DNAJC15: variants seen among roughly 807,000 people sequenced by gnomAD.
DNAJC15 encodes the protein dnaJ homolog subfamily C member 15.
A neutral mutation model predicts 22.4 loss-of-function variants in DNAJC15; 27 were observed. The observed-to-expected ratio is 1.20, with a 90% confidence interval of 0.89 to 1.66. The LOEUF (loss-of-function observed/expected upper bound fraction) is 1.66. Ranked by LOEUF, DNAJC15 falls within the 40% of genes most tolerant of loss-of-function variation. The pLI, the probability that DNAJC15 is intolerant of heterozygous loss-of-function variation, is 0.00. For synonymous variants in DNAJC15, 79 were observed against 63.2 expected, an observed-to-expected ratio of 1.25 and a Z score of -1.19; for missense variants, 208 against 187.1, an observed-to-expected ratio of 1.11 and a Z score of -0.65.
At chr13:43,033,915 C>T (rs1414229337) in intron 1 of DNAJC15, among the ~76,000 whole-genome samples, 3 of 151,598 alleles carry the variant, frequency 2.0e-5, no homozygotes, top group Non-Finnish European at 4.4e-5. Flanking sequence ...ATAATCCCAG[C>T]TACTTGGGAG....
chr13:43,029,543 T>C (rs1004532322), intron 1 of DNAJC15, among the ~76,000 whole-genome samples: 5 of 152,100 alleles, frequency 3.3e-5, no homozygotes, highest in Admixed American at 6.5e-5. Flanking sequence ...CTTTTTTTTT[T>C]TCCCCAGCTG....
At chr13:43,036,516 T>A (rs961048316) in intron 1 of DNAJC15, among the ~76,000 whole-genome samples, 1 of 152,132 alleles carries the variant, frequency 6.6e-6, no homozygotes, top group African/African-American at 2.4e-5. Flanking sequence ...GGCCGATTGG[T>A]CATCAATGAA....
chr13:43,072,564 G>A (rs964831862), intron 3 of DNAJC15, among the ~76,000 whole-genome samples: 5 of 150,112 alleles, frequency 3.3e-5, no homozygotes, highest in African/African-American at 1.2e-4. Context: ...TCTATCCACC[G>A]AATTCTTCAC....
intron 1 of DNAJC15, among the ~76,000 whole-genome samples, chr13:43,049,920 T>A (rs1350928657): frequency 1.3e-5 from 2 of 152,166 alleles, no homozygotes; most frequent in African/African-American, 4.8e-5. Context: ...GTTTGTTTGT[T>A]TTATTTTATT....
chr13:43,087,555 TTTC>T (rs778383846), intron 5 of DNAJC15, among the ~76,000 whole-genome samples: 17 of 152,216 alleles, frequency 1.1e-4, no homozygotes, highest in Non-Finnish European at 2.4e-4. Context: ...TTTAATTTTG[TTTC>T]TTCTTCTTGG....
intron 5 of DNAJC15, among the ~76,000 whole-genome samples, chr13:43,091,211 A>C (rs978384096): frequency 6.6e-6 from 1 of 152,006 alleles, no homozygotes; most frequent in African/African-American, 2.4e-5. Flanking sequence ...CAGCCTCCCG[A>C]GTAGCTGGGA....
chr13:43,085,310 G>A (rs545175432), intron 4 of DNAJC15, among the ~76,000 whole-genome samples: 1 of 137,798 alleles, frequency 7.3e-6, no homozygotes, highest in African/African-American at 2.7e-5. Context: ...GCAGTGAGCT[G>A]AGATCATGCC....
chr13:43,077,931 T>A lies in DNAJC15; in HGVS notation c.235-681T>A, dbSNP rs530699260. Among the ~76,000 whole-genome samples, 3 of 152,350 alleles carry A rather than the reference T, an allele frequency of 2.0e-5. No homozygotes were observed. In the South Asian group the frequency reaches 6.2e-4, roughly 32 times the overall value. On this transcript the variant is annotated intron_variant, in intron 3 of 5. Coordinates refer to ENST00000379221, the MANE Select transcript of DNAJC15 (RefSeq NM_013238.3). Reference sequence around the variant, plus strand: ...TGGATTATTGTTATGTTTTCTGAACTGGTCTGCTACTTCTACTCTTGCACC... The same window carrying A: ...TGGATTATTGTTATGTTTTCTGAACAGGTCTGCTACTTCTACTCTTGCACC...
rs1381195562 is a variant in DNAJC15, at chr13:43,111,511, G to C, written c.*4263G>C. 1.3e-5 allele frequency: 2 copies of C among 152,150 alleles called. No individual in the cohort carries two copies. Among genetic ancestry groups the C allele is most frequent in the African/African-American group, 4.8e-5 (2 of 41,438 alleles). The allele number at this position is 152,150 out of a possible 1,614,324, so 9.4% of individuals were successfully genotyped here. ...CACAGAAAAGAGCTTTTATTGATAA[G>C]GTAATTGAACACACTTGACAATTAG... On this transcript the variant is annotated 3_prime_UTR_variant, in exon 6 of 6. Transcript: ENST00000379221.
Position 43,107,335 on chromosome 13 carries a change from T to C in DNAJC15, c.*87T>C. The C allele has an allele frequency of 8.6e-7, 1 of 1,157,032 alleles. No homozygotes were observed. Among genetic ancestry groups the C allele is most frequent in the Non-Finnish European group, 1.2e-6 (1 of 856,908 alleles). 71.7% of individuals were successfully genotyped at this position (1,157,032 alleles called of 1,614,324 possible). On this transcript the variant is annotated 3_prime_UTR_variant, in exon 6 of 6. Transcript: ENST00000379221. ...CAAAATATTCTAAAACATGGTCTTC[T>C]TAATTTTCTATATGGATTGACCACA...
At chr13:43,075,235 A>T (rs2040628048) in intron 3 of DNAJC15, among the ~76,000 whole-genome samples, 2 of 152,210 alleles carry the variant, frequency 1.3e-5, no homozygotes, top group South Asian at 4.1e-4. Flanking sequence ...CAGTGTTCAT[A>T]TGAACTTCTT....
chr13:43,025,883 G>A (rs1408690765), intron 1 of DNAJC15, among the ~76,000 whole-genome samples: 2 of 152,150 alleles, frequency 1.3e-5, no homozygotes, highest in Admixed American at 6.5e-5. Flanking sequence ...CAGCCTGGGC[G>A]ACAGAGCGAG....
chr13:43,068,788 G>C, intron 2 of DNAJC15, 142 bp from the exon 3 acceptor site: 1 of 628,796 alleles, frequency 1.6e-6, no homozygotes, highest in Non-Finnish European at 2.4e-6. Flanking sequence ...TGAAAAAATT[G>C]ACCATCTTTC....
At chr13:43,097,727 C>A (rs1042098823) in intron 5 of DNAJC15, among the ~76,000 whole-genome samples, 1 of 152,056 alleles carries the variant, frequency 6.6e-6, no homozygotes, top group Non-Finnish European at 1.5e-5. Flanking sequence ...CACCTGAGGT[C>A]GGGAGTTCGA....
intron 5 of DNAJC15, among the ~76,000 whole-genome samples, chr13:43,098,652 G>A (rs751481601): frequency 1.2e-4 from 19 of 152,034 alleles, no homozygotes; most frequent in Non-Finnish European, 2.2e-4. Context: ...TGCAAACATC[G>A]CACTCAATTT....
chr13:43,091,943 T>A (rs2040717309), intron 5 of DNAJC15, among the ~76,000 whole-genome samples: 1 of 152,216 alleles, frequency 6.6e-6, no homozygotes, highest in African/African-American at 2.4e-5. Flanking sequence ...GGGAAAAATT[T>A]GTGATCACTT....
At chr13:43,059,509 C>T (rs547952420) in intron 1 of DNAJC15, among the ~76,000 whole-genome samples, 2 of 152,162 alleles carry the variant, frequency 1.3e-5, no homozygotes, top group Admixed American at 6.5e-5. Context: ...GGATTACGGG[C>T]GTGCGCCACC....
intron 3 of DNAJC15, among the ~76,000 whole-genome samples, chr13:43,071,632 C>T (rs1299772945): frequency 6.6e-6 from 1 of 152,066 alleles, no homozygotes; most frequent in Non-Finnish European, 1.5e-5. Context: ...ACAGTATACA[C>T]AGTGTTTTGA....
chr13:43,063,605 G>A (rs1028186463), intron 1 of DNAJC15, among the ~76,000 whole-genome samples: 5 of 152,110 alleles, frequency 3.3e-5, no homozygotes, highest in Non-Finnish European at 7.4e-5. Flanking sequence ...TTAATTTTGT[G>A]TGTGTGTTTT....
Sources: gnomAD v4.1 joint callset for allele counts (sites outside exome capture counted in the v4.1 genomes callset) on GRCh38, gnomAD v4.1.1 for gene constraint, MANE v1.5 for transcripts, NCBI Gene and HGNC (gene_info 2026-07-23, HGNC 2026-07-21) for gene names.